Variants in NFIC observed in about 807,000 individuals in gnomAD.
NFIC encodes the protein nuclear factor I C.
In NFIC, 12 loss-of-function variants were observed where a neutral mutation model predicts 54.4. That is an observed-to-expected ratio of 0.22 (90% CI 0.14 to 0.36). The LOEUF (loss-of-function observed/expected upper bound fraction) is 0.36. Among genes scored for constraint, NFIC ranks in the 10% least tolerant of loss-of-function variants. NFIC has a pLI of 1.00. For synonymous variants in NFIC, 322 were observed against 319.2 expected, an observed-to-expected ratio of 1.01 and a Z score of -0.09; for missense variants, 575 against 718.2, an observed-to-expected ratio of 0.80 and a Z score of 2.28.
chr19:3,404,531 G>C (rs1011340654), intron 2 of NFIC, among the ~76,000 whole-genome samples: 6 of 152,078 alleles, frequency 3.9e-5, no homozygotes, highest in Non-Finnish European at 7.4e-5. Flanking sequence ...GGGGCTGGGG[G>C]AGGCGGCCCA....
Position 3,419,024 on chromosome 19 carries a change from G to C in NFIC, c.563-6082G>C, listed in dbSNP as rs997538848. On this transcript the variant is annotated intron_variant, in intron 2 of 10. Transcript: ENST00000443272. ...TCCTAGGAGGTCCCTAGAGTCGTCAGATTCATAGAGACAGAAAGTAGGTTG... is the reference window on the plus strand; with the variant it reads ...TCCTAGGAGGTCCCTAGAGTCGTCACATTCATAGAGACAGAAAGTAGGTTG... 7.2e-5 allele frequency among the ~76,000 whole-genome samples: 11 copies of C among 152,150 alleles called. No individual in the cohort carries two copies. The East Asian group carries it at 2.1e-3, about 29-fold the overall frequency.
rs1288932567 is a variant in NFIC at position 3,459,303 on chromosome 19, C to T, written c.1509+2668C>T. On this transcript the variant is annotated intron_variant, in intron 10 of 10. Transcript: ENST00000443272. The surrounding 1 kb of genome is among the most constrained non-coding windows in gnomAD (Gnocchi z 4.2). The stretch of plus-strand genomic sequence containing the variant: ...CTATGCTAATTGATCTCGCCCTGGT[C>T]AGTTACCCACCCATCGCCCCATGTC... Among the ~76,000 whole-genome samples, 1 of 151,118 alleles carries T rather than the reference C, an allele frequency of 6.6e-6. No homozygotes were observed. The highest frequency in any genetic ancestry group is 1.5e-5 in the Non-Finnish European group (1 of 67,834).
chr19:3,381,015 T>A (rs988409543), intron 1 of NFIC, among the ~76,000 whole-genome samples: 2 of 152,014 alleles, frequency 1.3e-5, no homozygotes, highest in Non-Finnish European at 2.9e-5. Context: ...CAACCTCAGT[T>A]TTACCCGTCT....
At chr19:3,388,158 G>C (rs1181409645) in intron 2 of NFIC, among the ~76,000 whole-genome samples, 1 of 152,110 alleles carries the variant, frequency 6.6e-6, no homozygotes, top group Non-Finnish European at 1.5e-5. Flanking sequence ...GGCGCGGTGG[G>C]CAGAGCCCGG....
At chr19:3,412,021 G>A (rs893593391) in intron 2 of NFIC, among the ~76,000 whole-genome samples, 6 of 152,292 alleles carry the variant, frequency 3.9e-5, no homozygotes, top group East Asian at 3.9e-4. Flanking sequence ...CACACAAACC[G>A]CCAACATTTT....
intron 6 of NFIC, among the ~76,000 whole-genome samples, chr19:3,440,267 C>T (rs2082272582): frequency 6.6e-6 from 1 of 152,004 alleles, no homozygotes; most frequent in Non-Finnish European, 1.5e-5. Context: ...GGCCTCCACC[C>T]ACTCCGTGTC....
chr19:3,419,353 G>A (rs2081916794), intron 2 of NFIC, among the ~76,000 whole-genome samples: 2 of 152,074 alleles, frequency 1.3e-5, no homozygotes, highest in Admixed American at 1.3e-4. Context: ...GCTCACCCAT[G>A]GTTCCAATTA....
rs181944837 is a variant in NFIC, at chr19:3,456,906, G to C, written c.1509+271G>C. The C allele has an allele frequency of 1.1e-4, 59 of 520,870 alleles. No homozygotes were observed. The Admixed American group carries it at 1.5e-3, about 13-fold the overall frequency. 32.3% of individuals were successfully genotyped at this position (520,870 alleles called of 1,614,324 possible). ...CGTCTCTGGAGACCATCGTGGTACA[G>C]CTATGGGACCAGTGTCATTACCACC... is the stretch of plus-strand genomic sequence containing the variant. On this transcript the variant is annotated intron_variant, in intron 10 of 10. Coordinates refer to ENST00000443272, the MANE Select transcript of NFIC (RefSeq NM_001245002.2).
Position 3,444,553 on chromosome 19 carries a change from C to T in NFIC, c.959-4461C>T, listed in dbSNP as rs111663961. On this transcript the variant is annotated intron_variant, in intron 6 of 10. Transcript: ENST00000443272. Reference sequence around the variant, plus strand: ...TCCGTAGAGCCTGCCGGGAGCGTGCCGGCTTATTCTTTCTCGCGGTGCCTG... The same window carrying T: ...TCCGTAGAGCCTGCCGGGAGCGTGCTGGCTTATTCTTTCTCGCGGTGCCTG... Among the ~76,000 whole-genome samples the T allele has an allele frequency of 7.8e-3, 1,188 of 152,302 alleles. 12 individuals are homozygous for T. The highest frequency in any genetic ancestry group is 0.054 in the Middle Eastern group (16 of 294).
In NFIC at chr19:3,464,803, C is replaced by A. The variant is rs1015073492; in HGVS notation, c.*2034C>A. ...GGCCTCGAGCCCTTGGTCCCTCCGT[C>A]CGTCTGTCCTCGGGGCCCGCTCCCC... On this transcript the variant is annotated 3_prime_UTR_variant, in exon 11 of 11. Coordinates refer to ENST00000443272, the MANE Select transcript of NFIC (RefSeq NM_001245002.2). 2.2e-5 allele frequency: 17 copies of A among 781,232 alleles called. No homozygotes were observed. The African/African-American group carries it at 3.2e-4, about 15-fold the overall frequency. 48.4% of individuals were successfully genotyped at this position (781,232 alleles called of 1,614,324 possible). A position where few individuals can be genotyped will look rare whatever the true frequency, so the allele number is the denominator to read the frequency against.
chr19:3,416,296 T>A (rs924066042), intron 2 of NFIC, among the ~76,000 whole-genome samples: 12 of 149,520 alleles, frequency 8.0e-5, no homozygotes, highest in Admixed American at 2.0e-4. Context: ...ATTAAAAATG[T>A]ACCTGTGCCA....
At chr19:3,446,778 T>A (rs2082379085) in intron 6 of NFIC, among the ~76,000 whole-genome samples, 1 of 152,040 alleles carries the variant, frequency 6.6e-6, no homozygotes, top group African/African-American at 2.4e-5. Flanking sequence ...ACGCCTGTAA[T>A]CCCAGCACTT....
intron 1 of NFIC, among the ~76,000 whole-genome samples, chr19:3,371,222 G>A (rs2145436330): frequency 6.6e-6 from 1 of 152,110 alleles, no homozygotes; most frequent in Middle Eastern, 3.4e-3. Context: ...ACTCTGGTGG[G>A]TGACCTGCCC....
At chr19:3,421,698 C>T (rs974274454) in intron 2 of NFIC, among the ~76,000 whole-genome samples, 10 of 152,336 alleles carry the variant, frequency 6.6e-5, no homozygotes, top group Middle Eastern at 6.8e-3. Flanking sequence ...GCCATTAGCA[C>T]GGCGCCAGGC....
intron 2 of NFIC, among the ~76,000 whole-genome samples, chr19:3,384,669 G>A (rs1306668697): frequency 2.0e-5 from 3 of 152,162 alleles, no homozygotes; most frequent in East Asian, 1.9e-4. Flanking sequence ...GATTACAGGC[G>A]TGAGCCACCG....
At chr19:3,426,925 C>G (rs1226416701) in intron 3 of NFIC, among the ~76,000 whole-genome samples, 1 of 137,634 alleles carries the variant, frequency 7.3e-6, no homozygotes, top group African/African-American at 2.7e-5. Context: ...TACCCTCAAT[C>G]TTTTTTTTTT....
intron 2 of NFIC, among the ~76,000 whole-genome samples, chr19:3,388,646 G>A (rs190598339): frequency 6.9e-4 from 103 of 149,876 alleles, no homozygotes; most frequent in African/African-American, 2.4e-3. Context: ...AACATAGCAC[G>A]ACCATGCCCC....
chr19:3,431,481 G>A (rs1374553650), intron 3 of NFIC, among the ~76,000 whole-genome samples: 4 of 134,350 alleles, frequency 3.0e-5, no homozygotes, highest in South Asian at 2.6e-4. Context: ...CTATCCTCCC[G>A]CCTCGGCCTC....
At position 3,469,104 on chromosome 19, in the gene NFIC, AAAAATG is replaced by A. The variant is rs2082754882; in HGVS notation, c.*6346_*6351del. The A allele has an allele frequency of 6.6e-6, 1 of 152,280 alleles. No individual in the cohort carries two copies. The highest frequency in any genetic ancestry group is 2.1e-4 in the South Asian group (1 of 4,836). The allele number at this position is 152,280 out of a possible 1,614,324, so 9.4% of individuals were successfully genotyped here. On this transcript the variant is annotated 3_prime_UTR_variant, in exon 11 of 11. Transcript: ENST00000443272. ...TGTTTATTTGTTCCCTATGCAAAAA[AAAAATG>A]AAAATGAAAAAAGGGGGATTCCATA...
Sources: allele counts gnomAD v4.1 joint callset (sites outside exome capture counted in the v4.1 genomes callset), GRCh38; gene constraint gnomAD v4.1.1; non-coding constraint Gnocchi (gnomAD v3.1); transcripts MANE v1.5; gene names NCBI Gene and HGNC (gene_info 2026-07-23, HGNC 2026-07-21).